Variants in AIG1 observed in about 807,000 individuals in gnomAD.
AIG1 encodes androgen-induced gene 1 protein.
AIG1 carries 23 observed loss-of-function variants against 31.4 expected under a neutral mutation model. The ratio of observed to expected loss-of-function variants is 0.73; its 90% confidence interval spans 0.53 to 1.04. The LOEUF (loss-of-function observed/expected upper bound fraction) is 1.04. Ranked by LOEUF, AIG1 falls within the 50% of genes least tolerant of loss-of-function variation. The pLI, the probability that AIG1 is intolerant of heterozygous loss-of-function variation, is 0.00. For synonymous variants in AIG1, 100 were observed against 110.5 expected (o/e 0.90, Z 0.60); for missense variants, 274 against 295.0 (o/e 0.93, Z 0.52).
Position 143,136,923 on chromosome 6 carries a change from G to A in AIG1, c.230G>A (p.Arg77Lys), listed in dbSNP as rs557603859. The change falls in exon 2 of 6, where the codon AGG becomes AAG. Residue 77 changes from arginine (R) to lysine (K), a missense_variant. By Grantham distance (26) the Arg-to-Lys change is conservative. This residue lies in a region of AIG1 where 243 missense variants were observed against 238.5 expected (regional missense o/e 1.02). Transcript: ENST00000357847. Reference sequence around the variant, plus strand: ...GGAAGTGGGAACCAGGAGCAAGAGAGGCAGCTCAAGAAGCTCATCTCTCTC... The same window carrying A: ...GGAAGTGGGAACCAGGAGCAAGAGAAGCAGCTCAAGAAGCTCATCTCTCTC... The part of the protein sequence containing the change: ...TRGSGNQEQE[R>K]QLKKLISLRD... 4 of 1,534,052 alleles carry A rather than the reference G, an allele frequency of 2.6e-6. No individual in the cohort carries two copies. The highest frequency in any genetic ancestry group is 1.2e-5 in the South Asian group (1 of 80,192).
chr6:143,141,740 A>G (rs1784261965), intron 2 of AIG1, among the ~76,000 whole-genome samples: 2 of 152,152 alleles, frequency 1.3e-5, no homozygotes, highest in Non-Finnish European at 2.9e-5. Flanking sequence ...ATTACAAATA[A>G]TTCTATGACA....
In AIG1 at chr6:143,258,280, CA is replaced by C. The variant is rs1191121604; in HGVS notation, c.400-25827del. Among the ~76,000 whole-genome samples, 3 of 152,202 alleles carry C rather than the reference CA, an allele frequency of 2.0e-5. No individual in the cohort carries two copies. Among genetic ancestry groups the C allele is most frequent in the Non-Finnish European group, 4.4e-5 (3 of 68,036 alleles). ...TGGGAGACTATTGATTGTGGCTGAA[CA>C]AATTCAAATGAGCTCATGTTCATTC... On this transcript the variant is annotated intron_variant, in intron 3 of 5. Transcript: ENST00000357847. This position sits in a 1 kb window ranked among gnomAD's most constrained non-coding sequence, Gnocchi z 4.7.
At chr6:143,236,740 C>T (rs555333143) in intron 3 of AIG1, among the ~76,000 whole-genome samples, 4 of 152,302 alleles carry the variant, frequency 2.6e-5, no homozygotes, top group South Asian at 2.1e-4. Context: ...AACCAAAAAA[C>T]GCCACCCCCC....
intron 1 of AIG1, among the ~76,000 whole-genome samples, chr6:143,113,733 T>G (rs1562389129): frequency 6.6e-6 from 1 of 152,190 alleles, no homozygotes; most frequent in Non-Finnish European, 1.5e-5. Context: ...AGACAAACAC[T>G]GTAAATGTTT....
intron 3 of AIG1, among the ~76,000 whole-genome samples, chr6:143,263,772 G>A (rs1795969179): frequency 1.3e-5 from 2 of 152,186 alleles, no homozygotes; most frequent in East Asian, 1.9e-4. Context: ...ATATTCCACC[G>A]AGTGGATATA....
chr6:143,171,470 T>C (rs1431309185), intron 3 of AIG1, among the ~76,000 whole-genome samples: 1 of 115,658 alleles, frequency 8.6e-6, no homozygotes, highest in Non-Finnish European at 1.6e-5. Context: ...ATATATTTAA[T>C]ATATATAATA....
chr6:143,088,204 G>A (rs1333431572), intron 1 of AIG1, among the ~76,000 whole-genome samples: 1 of 151,836 alleles, frequency 6.6e-6, no homozygotes, highest in Non-Finnish European at 1.5e-5. Context: ...GGTCCAATTT[G>A]AAGAGTTGGC....
intron 3 of AIG1, among the ~76,000 whole-genome samples, chr6:143,243,523 A>G (rs1794403594): frequency 6.6e-6 from 1 of 152,208 alleles, no homozygotes; most frequent in South Asian, 2.1e-4. Flanking sequence ...CCAATAAAGT[A>G]TCATAGACTA....
chr6:143,117,938 T>C (rs1781880213), intron 1 of AIG1, among the ~76,000 whole-genome samples: 1 of 152,220 alleles, frequency 6.6e-6, no homozygotes, highest in Non-Finnish European at 1.5e-5. Flanking sequence ...GGTTTTTTCC[T>C]ATCAGGGATT....
At chr6:143,254,305 A>G (rs1273723260) in intron 3 of AIG1, among the ~76,000 whole-genome samples, 1 of 152,150 alleles carries the variant, frequency 6.6e-6, no homozygotes, top group Admixed American at 6.5e-5. Flanking sequence ...AGAAGCAGGG[A>G]GGGGCATCTA....
intron 1 of AIG1, among the ~76,000 whole-genome samples, chr6:143,083,542 TG>T (rs1246934086): frequency 1.3e-5 from 2 of 152,164 alleles, no homozygotes; most frequent in African/African-American, 4.8e-5. Flanking sequence ...TAGGTACAGC[TG>T]GGTATAGAGG....
intron 1 of AIG1, among the ~76,000 whole-genome samples, chr6:143,095,926 G>C (rs1249690417): frequency 5.5e-5 from 1 of 18,194 alleles, no homozygotes; most frequent in African/African-American, 2.1e-4. Context: ...TTTTTTTTTT[G>C]AGATGGAGTC....
At position 143,333,564 on chromosome 6, in the gene AIG1, T is replaced by C. The variant is rs947973744; in HGVS notation, c.679+119T>C. 2.0e-6 allele frequency: 2 copies of C among 977,348 alleles called. No homozygotes were observed. Among genetic ancestry groups the C allele is most frequent in the Non-Finnish European group, 2.9e-6 (2 of 698,914 alleles). 60.5% of individuals were successfully genotyped at this position (977,348 alleles called of 1,614,324 possible). On this transcript the variant is annotated intron_variant, in intron 5 of 5. Coordinates refer to ENST00000357847, the MANE Select transcript of AIG1 (RefSeq NM_016108.4). This position sits in a 1 kb window ranked among gnomAD's most constrained non-coding sequence, Gnocchi z 4.6. The stretch of plus-strand genomic sequence containing the variant: ...TTTAGCCTTCACACAGGATCTCCTA[T>C]AAAGAGCTCCATTTTTAAAACTACA...
intron 3 of AIG1, among the ~76,000 whole-genome samples, chr6:143,226,205 A>G (rs1308497170): frequency 6.6e-6 from 1 of 151,842 alleles, no homozygotes; most frequent in Non-Finnish European, 1.5e-5. Context: ...TTGCCTTAAA[A>G]TGGCAGTTAC....
chr6:143,249,339 C>A (rs1192588284), intron 3 of AIG1, among the ~76,000 whole-genome samples: 3 of 152,196 alleles, frequency 2.0e-5, no homozygotes, highest in African/African-American at 7.2e-5. Flanking sequence ...TATTGGATAT[C>A]CAGGCTGGGT....
chr6:143,294,752 C>A (rs1408346815), intron 4 of AIG1, among the ~76,000 whole-genome samples: 1 of 152,130 alleles, frequency 6.6e-6, no homozygotes, highest in Non-Finnish European at 1.5e-5. Flanking sequence ...AAACAAACCC[C>A]CCCTCTTCCT....
At chr6:143,342,176 G>C, downstream of AIG1, 1 of 590,972 alleles carries the variant, frequency 1.7e-6, no homozygotes, top group Non-Finnish European at 3.1e-6. Context: ...ACCCGCCTTG[G>C]CCTCTCAAAG....
At chr6:143,194,106 C>G (rs946319907) in intron 3 of AIG1, among the ~76,000 whole-genome samples, 4 of 152,160 alleles carry the variant, frequency 2.6e-5, no homozygotes, top group Admixed American at 1.3e-4. Flanking sequence ...CACTCTCACA[C>G]TGCTATAAAA....
chr6:143,203,556 T>C (rs568795820), intron 3 of AIG1, among the ~76,000 whole-genome samples: 32 of 152,346 alleles, frequency 2.1e-4, no homozygotes, highest in Admixed American at 1.7e-3. Flanking sequence ...ATCTATGTCT[T>C]ACCTAGACTG....
Sources: gnomAD v4.1 joint callset for allele counts (sites outside exome capture counted in the v4.1 genomes callset) on GRCh38, gnomAD v4.1.1 for gene constraint, gnomAD v4.1.1 regional missense constraint, Gnocchi (gnomAD v3.1) non-coding constraint, MANE v1.5 for transcripts, NCBI Gene and HGNC (gene_info 2026-07-23, HGNC 2026-07-21) for gene names.